NOS1AP: variants seen among roughly 807,000 people sequenced by gnomAD.
The protein encoded by NOS1AP is nitric oxide synthase 1 adaptor protein, also known as carboxyl-terminal PDZ ligand of neuronal nitric oxide synthase protein.
A neutral mutation model predicts 56.2 loss-of-function variants in NOS1AP; 21 were observed. The observed-to-expected ratio is 0.37, with a 90% CI of 0.26 to 0.54. The LOEUF is 0.54. Among genes scored for constraint, NOS1AP ranks in the 20% least tolerant of loss-of-function variants. The pLI is 0.84. For synonymous variants in NOS1AP, 270 were observed against 274.6 expected (o/e 0.98, Z 0.17); for missense variants, 522 against 657.8 (o/e 0.79, Z 2.26).
chr1:162,145,908 T>G (rs1354714968), intron 1 of NOS1AP, among the ~76,000 whole-genome samples: 1 of 152,144 alleles, frequency 6.6e-6, no homozygotes, highest in East Asian at 1.9e-4. Flanking sequence ...TTTGGAAGAA[T>G]GCAGGGGTCC....
intron 4 of NOS1AP, among the ~76,000 whole-genome samples, chr1:162,324,380 G>A (rs192966896): frequency 6.9e-6 from 1 of 145,158 alleles, no homozygotes; most frequent in Non-Finnish European, 1.5e-5. Context: ...ATATATGAAA[G>A]GATTTTTGTG....
At chr1:162,200,536 G>A (rs1196246375) in intron 2 of NOS1AP, among the ~76,000 whole-genome samples, 1 of 152,184 alleles carries the variant, frequency 6.6e-6, no homozygotes, top group Non-Finnish European at 1.5e-5. Flanking sequence ...GAGCGGAGAG[G>A]ATTATCTCCA....
chr1:162,160,785 T>C (rs906908532), intron 2 of NOS1AP, among the ~76,000 whole-genome samples: 11 of 152,228 alleles, frequency 7.2e-5, no homozygotes, highest in Middle Eastern at 3.2e-3. Flanking sequence ...ACTGTGTTAG[T>C]ATGGCTCTAT....
chr1:162,096,480 G>A (rs569523342), intron 1 of NOS1AP, among the ~76,000 whole-genome samples: 3 of 151,996 alleles, frequency 2.0e-5, no homozygotes, highest in African/African-American at 4.8e-5. Flanking sequence ...GTAGGTATCC[G>A]CCACCCAGAT....
chr1:162,113,514 G>A (rs4279833), intron 1 of NOS1AP, among the ~76,000 whole-genome samples: 4,749 of 152,274 alleles, frequency 0.031, 231 homozygotes, highest in African/African-American at 0.11. Context: ...TCTGCAGGCC[G>A]TACAGGAAAC....
chr1:162,315,668 G>T (rs1438729776), intron 4 of NOS1AP, among the ~76,000 whole-genome samples: 1 of 152,216 alleles, frequency 6.6e-6, no homozygotes, highest in Non-Finnish European at 1.5e-5. Context: ...CTTTTGAGGA[G>T]TTACAGCCTT....
intron 5 of NOS1AP, among the ~76,000 whole-genome samples, chr1:162,343,062 A>C (rs1375280766): frequency 1.3e-5 from 2 of 152,168 alleles, no homozygotes; most frequent in Non-Finnish European, 2.9e-5. Context: ...CATGCCCTGG[A>C]ACCCCTGCAT....
chr1:162,259,733 T>G (rs1654150141), intron 2 of NOS1AP, among the ~76,000 whole-genome samples: 1 of 152,242 alleles, frequency 6.6e-6, no homozygotes, highest in Non-Finnish European at 1.5e-5. Context: ...CATTAACATG[T>G]GCATTGTAGA....
chr1:162,299,599 G>A (rs1475843938), intron 3 of NOS1AP, among the ~76,000 whole-genome samples: 3 of 152,284 alleles, frequency 2.0e-5, no homozygotes, highest in South Asian at 2.1e-4. Flanking sequence ...GCAATTATAG[G>A]AAGGTATCTT....
At chr1:162,111,956 T>C (rs1386864123) in intron 1 of NOS1AP, among the ~76,000 whole-genome samples, 1 of 152,214 alleles carries the variant, frequency 6.6e-6, no homozygotes, top group East Asian at 1.9e-4. Flanking sequence ...GGTAACAATT[T>C]ATGGGAGATG....
intron 1 of NOS1AP, among the ~76,000 whole-genome samples, chr1:162,097,365 T>C (rs1312488218): frequency 6.6e-6 from 1 of 152,226 alleles, no homozygotes. Flanking sequence ...ACTGTCTTTA[T>C]GGTATCTTCT....
chr1:162,261,510 GAGAGAGAGAGAGAGAGAGAGAGAGA>G lies in NOS1AP; in HGVS notation c.178-25833_178-25809del, dbSNP rs1361496994. On this transcript the variant is annotated intron_variant, in intron 2 of 9. Coordinates refer to ENST00000361897, the MANE Select transcript of NOS1AP (RefSeq NM_014697.3). ...AGAGAGAGAGAGAGAGAGAGAGAGAGAGAGAGAGAGAGAGAGAGAGAGAGAGAGAGAGAGAGCAATGAAATGACTG... is the reference window on the plus strand; with the variant it reads ...AGAGAGAGAGAGAGAGAGAGAGAGAGGAGAGAGAGAGCAATGAAATGACTG... Among the ~76,000 whole-genome samples, 15 of 12,110 alleles carry G rather than the reference GAGAGAGAGAGAGAGAGAGAGAGAGA, an allele frequency of 1.2e-3. 4 individuals are homozygous for G. Among genetic ancestry groups the G allele is most frequent in the African/African-American group, 3.9e-3 (14 of 3,634 alleles). 7.9% of individuals were successfully genotyped at this position (12,110 alleles called of 152,430 possible). A position where few individuals can be genotyped will look rare whatever the true frequency, so the allele number is the denominator to read the frequency against.
At chr1:162,074,383 A>G (rs906983006) in intron 1 of NOS1AP, among the ~76,000 whole-genome samples, 4 of 152,142 alleles carry the variant, frequency 2.6e-5, no homozygotes, top group African/African-American at 9.7e-5. Flanking sequence ...TTGTAGTCCT[A>G]ACACTCATTG....
chr1:162,307,732 A>C (rs1655885533), intron 4 of NOS1AP, among the ~76,000 whole-genome samples: 1 of 152,018 alleles, frequency 6.6e-6, no homozygotes, highest in African/African-American at 2.4e-5. Flanking sequence ...AGTGGCGTGA[A>C]CCTGGGAGGC....
At chr1:162,312,649 G>T (rs1380276333) in intron 4 of NOS1AP, among the ~76,000 whole-genome samples, 2 of 150,578 alleles carry the variant, frequency 1.3e-5, no homozygotes, top group African/African-American at 4.9e-5. Flanking sequence ...TAGACATGAA[G>T]TCCTTGCCCA....
intron 1 of NOS1AP, among the ~76,000 whole-genome samples, chr1:162,138,947 G>A (rs1476012993): frequency 6.6e-6 from 1 of 152,176 alleles, no homozygotes; most frequent in Non-Finnish European, 1.5e-5. Context: ...CAGGCAAACT[G>A]GGATGGTTGG....
intron 1 of NOS1AP, among the ~76,000 whole-genome samples, chr1:162,094,893 C>G (rs1465784706): frequency 6.6e-6 from 1 of 152,190 alleles, no homozygotes; most frequent in Non-Finnish European, 1.5e-5. Flanking sequence ...ATGTCATCTT[C>G]TACTCCTTAC....
At chr1:162,160,069 A>G (rs1043598579) in intron 2 of NOS1AP, among the ~76,000 whole-genome samples, 4 of 152,166 alleles carry the variant, frequency 2.6e-5, no homozygotes, top group African/African-American at 9.7e-5. Flanking sequence ...CTGGTGGCCA[A>G]TACAGACCAA....
rs375023134 is a variant in NOS1AP, at chr1:162,301,144, C to T, written c.344+438C>T. Among the ~76,000 whole-genome samples, 8 of 152,214 alleles carry T rather than the reference C, an allele frequency of 5.3e-5. No homozygotes were observed. In the East Asian group the frequency reaches 1.2e-3, roughly 22 times the overall value. On this transcript the variant is annotated intron_variant, in intron 4 of 9. Coordinates refer to ENST00000361897, the MANE Select transcript of NOS1AP (RefSeq NM_014697.3). ...GTAATAAGAGCTTTCATGCAGTAAT[C>T]GAAAGTCACAAATGTGTCTACAGGT...
Sources: allele counts gnomAD v4.1 joint callset (sites outside exome capture counted in the v4.1 genomes callset), GRCh38; gene constraint gnomAD v4.1.1; transcripts MANE v1.5; gene names NCBI Gene and HGNC (gene_info 2026-07-23, HGNC 2026-07-21).